The following ARHGEF7 variants were observed in gnomAD, a reference collection of about 807,000 sequenced individuals.
The protein encoded by ARHGEF7 is PAK-interacting exchange factor beta.
In ARHGEF7, 33 loss-of-function variants were observed where a neutral mutation model predicts 109.8. The observed-to-expected ratio is 0.30, with a 90% confidence interval of 0.23 to 0.40. The LOEUF (loss-of-function observed/expected upper bound fraction) is 0.40. ARHGEF7 is among the 10% of genes least tolerant of loss of function. The pLI is 1.00. For missense variants in ARHGEF7, 938 were observed against 1,098.5 expected, an observed-to-expected ratio of 0.85 and a Z score of 2.07; for synonymous variants, 458 against 424.6, an observed-to-expected ratio of 1.08 and a Z score of -0.97.
intron 2 of ARHGEF7, among the ~76,000 whole-genome samples, chr13:111,162,202 T>C (rs937516785): frequency 2.0e-5 from 3 of 152,232 alleles, no homozygotes; most frequent in Admixed American, 1.3e-4. Context: ...ATATTTTCTT[T>C]CCCTTAGGAA....
At position 111,273,217 on chromosome 13, in the gene ARHGEF7, G is replaced by A. The variant is rs903852127; in HGVS notation, c.1074-597G>A. 6.6e-6 allele frequency among the ~76,000 whole-genome samples: 1 copy of A among 152,138 alleles called. No individual in the cohort carries two copies. The highest frequency in any genetic ancestry group is 2.4e-5 in the African/African-American group (1 of 41,426). ...GGGACCCCTTTCTTCCTCACGTATT[G>A]TGAGGATTAAACTTAAAGCTTTTGA... On this transcript the variant is annotated intron_variant, in intron 9 of 21. Coordinates refer to ENST00000646102, the MANE Select transcript of ARHGEF7 (RefSeq NM_001354046.2). This position sits in a 1 kb window ranked among gnomAD's most constrained non-coding sequence, Gnocchi z 4.5.
At chr13:111,222,874 T>C (rs2084653745) in intron 5 of ARHGEF7, among the ~76,000 whole-genome samples, 1 of 152,258 alleles carries the variant, frequency 6.6e-6, no homozygotes, top group Admixed American at 6.5e-5. Flanking sequence ...CTTTGCGTAA[T>C]GTGGTTACAA....
At chr13:111,241,398 A>C (rs2087760617) in intron 6 of ARHGEF7, 1 of 1,515,008 alleles carries the variant, frequency 6.6e-7, no homozygotes, top group African/African-American at 1.4e-5. Context: ...TGGCAGAGGG[A>C]GTGGGCACCC....
intron 6 of ARHGEF7, among the ~76,000 whole-genome samples, chr13:111,235,467 T>C (rs1010004372): frequency 2.6e-5 from 4 of 152,208 alleles, no homozygotes; most frequent in Non-Finnish European, 5.9e-5. Context: ...AACTCTTTCA[T>C]ACAGAATGAT....
chr13:111,244,281 G>C lies in ARHGEF7; in HGVS notation c.937G>C (p.Glu313Gln), dbSNP rs760978338. 2 of 1,596,836 alleles carry C rather than the reference G, an allele frequency of 1.3e-6. No individual in the cohort carries two copies. The highest frequency in any genetic ancestry group is 1.7e-6 in the Non-Finnish European group (2 of 1,172,144). ...SFQQMLVQSLEECTKLPEAQQ... is the reference protein window; with the variant it reads ...SFQQMLVQSLQECTKLPEAQQ... ...CCAGCAAATGCTCGTACAGTCTTTA[G>C]AAGAATGCACCAAGTAAGTAAGATG... Residue 313 changes from glutamate to glutamine, a missense_variant, in exon 8 of 22, where the codon GAA becomes CAA. Physicochemically the swap from Glu to Gln is conservative, Grantham distance 29. Coordinates refer to ENST00000646102, the MANE Select transcript of ARHGEF7 (RefSeq NM_001354046.2).
chr13:111,302,996 C>T lies in ARHGEF7; in HGVS notation c.2472C>T (p.Asn824=), dbSNP rs1440945355. Reference sequence around the variant, plus strand: ...GTGGTCTGCTTAATTTACAGGACAACAAAAAGATGAAGAAATCTCTAGAGG... The same window carrying T: ...GTGGTCTGCTTAATTTACAGGACAATAAAAAGATGAAGAAATCTCTAGAGG... ...KDEVQELRQD[N]KKMKKSLEEE... Residue 824 remains asparagine (N), a synonymous_variant, in exon 22 of 22, where the codon AAC becomes AAT. Transcript: ENST00000646102. The T allele has an allele frequency of 3.1e-6, 5 of 1,614,018 alleles. No homozygotes were observed. Among genetic ancestry groups the T allele is most frequent in the East Asian group, 2.2e-5 (1 of 44,876 alleles).
rs1167527619 is a variant in ARHGEF7 at position 111,145,776 on chromosome 13, A to G, written c.166-8129A>G. ...GGGAAGCCTGGTTGATGCAGTCCTCAGAGGCTGGTGCAGGTTGGTGAAATC... is the reference window on the plus strand; with the variant it reads ...GGGAAGCCTGGTTGATGCAGTCCTCGGAGGCTGGTGCAGGTTGGTGAAATC... On this transcript the variant is annotated intron_variant, in intron 1 of 21. Transcript: ENST00000646102. This position sits in a 1 kb window ranked among gnomAD's most constrained non-coding sequence, Gnocchi z 4.3. Among the ~76,000 whole-genome samples the G allele has an allele frequency of 6.6e-6, 1 of 152,228 alleles. No homozygotes were observed. Among genetic ancestry groups the G allele is most frequent in the Non-Finnish European group, 1.5e-5 (1 of 68,042 alleles).
chr13:111,127,648 GAAAAAAA>G (rs71206956), intron 1 of ARHGEF7, among the ~76,000 whole-genome samples: 4 of 40,044 alleles, frequency 1.0e-4, no homozygotes, highest in Non-Finnish European at 1.5e-4. Context: ...CTCTGTTTCA[GAAAAAAA>G]AAAAAAAAAA....
chr13:111,253,290 T>C (rs573467345), intron 8 of ARHGEF7, among the ~76,000 whole-genome samples: 2 of 152,372 alleles, frequency 1.3e-5, no homozygotes, highest in Non-Finnish European at 2.9e-5. Context: ...AAATTGCCTC[T>C]ATGGGAAAAT....
intron 19 of ARHGEF7, chr13:111,293,813 C>G: frequency 2.0e-6 from 2 of 985,394 alleles, no homozygotes; most frequent in Non-Finnish European, 2.4e-6. Context: ...ATTCAGTGTT[C>G]TGATCTTGTT....
chr13:111,120,645 A>G (rs933600924), intron 1 of ARHGEF7, among the ~76,000 whole-genome samples: 2 of 152,208 alleles, frequency 1.3e-5, no homozygotes, highest in Non-Finnish European at 2.9e-5. Flanking sequence ...ATGCCATCTC[A>G]GGACCCGGCC....
chr13:111,157,624 T>TA (rs2076441748), intron 2 of ARHGEF7, among the ~76,000 whole-genome samples: 1 of 152,150 alleles, frequency 6.6e-6, no homozygotes, highest in Admixed American at 6.5e-5. Context: ...CACTTGAGGA[T>TA]AAGTAACTTA....
intron 1 of ARHGEF7, among the ~76,000 whole-genome samples, chr13:111,142,124 G>T (rs1157089807): frequency 1.3e-5 from 2 of 152,056 alleles, no homozygotes; most frequent in African/African-American, 4.8e-5. Flanking sequence ...GTGTATCTTT[G>T]TTGGTGTTTT....
At chr13:111,293,295 G>A (rs1398673049) in intron 19 of ARHGEF7, 1 of 985,152 alleles carries the variant, frequency 1.0e-6, no homozygotes, top group African/African-American at 1.7e-5. Flanking sequence ...GAAGAGCCAT[G>A]GACACATCAT....
intron 2 of ARHGEF7, among the ~76,000 whole-genome samples, chr13:111,155,897 G>C (rs954736176): frequency 1.3e-5 from 2 of 151,980 alleles, no homozygotes; most frequent in Non-Finnish European, 2.9e-5. Context: ...CCAACATGGT[G>C]AAACCCTGTC....
chr13:111,265,095 G>A lies in ARHGEF7; in HGVS notation c.951-2453G>A, dbSNP rs374331733. Among the ~76,000 whole-genome samples the A allele has an allele frequency of 4.7e-4, 59 of 126,782 alleles. No individual in the cohort carries two copies. The South Asian group carries it at 0.016, about 34-fold the overall frequency. The allele number at this position is 126,782 out of a possible 152,430, so 83.2% of individuals were successfully genotyped here. On this transcript the variant is annotated intron_variant, in intron 8 of 21. Transcript: ENST00000646102. ...GCTGAGATGGTGCCATTACACTCCA[G>A]CCTGGGTAACAAGAGAGAAACTCCA...
At chr13:111,262,268 C>G (rs1595304881) in intron 8 of ARHGEF7, among the ~76,000 whole-genome samples, 1 of 152,198 alleles carries the variant, frequency 6.6e-6, no homozygotes. Flanking sequence ...AAAACTGATA[C>G]TGCAGAAATT....
chr13:111,137,759 GT>G (rs372516514), intron 1 of ARHGEF7, among the ~76,000 whole-genome samples: 3 of 152,274 alleles, frequency 2.0e-5, no homozygotes, highest in African/African-American at 7.2e-5. Flanking sequence ...AGCTCAGGAG[GT>G]TTGTACAAGA....
At chr13:111,177,930 C>T (rs939858660) in intron 2 of ARHGEF7, among the ~76,000 whole-genome samples, 7 of 152,186 alleles carry the variant, frequency 4.6e-5, no homozygotes, top group Non-Finnish European at 8.8e-5. Flanking sequence ...GAAGCTTGAA[C>T]TCGCACGCAG....
Sources: gnomAD v4.1 joint callset for allele counts (sites outside exome capture counted in the v4.1 genomes callset) on GRCh38, gnomAD v4.1.1 for gene constraint, Gnocchi (gnomAD v3.1) non-coding constraint, MANE v1.5 for transcripts, NCBI Gene and HGNC (gene_info 2026-07-23, HGNC 2026-07-21) for gene names.